TIMM23: variants seen among roughly 807,000 people sequenced by gnomAD.
The protein encoded by TIMM23 is translocase of inner mitochondrial membrane 23.
TIMM23 carries 19 observed loss-of-function variants against 30.7 expected under a neutral mutation model. That is an observed-to-expected ratio of 0.62 (90% CI 0.43 to 0.91). The LOEUF is 0.91. TIMM23 is among the 40% of genes least tolerant of loss of function. The pLI, the probability that TIMM23 is intolerant of heterozygous loss-of-function variation, is 0.00. For missense variants in TIMM23, 202 were observed against 269.2 expected, an observed-to-expected ratio of 0.75 and a Z score of 1.75; for synonymous variants, 78 against 98.5, an observed-to-expected ratio of 0.79 and a Z score of 1.23.
In TIMM23 at chr10:45,982,515, C is replaced by A; in HGVS notation, c.166-8C>A. 1 of 1,613,742 alleles carries A rather than the reference C, an allele frequency of 6.2e-7. No individual in the cohort carries two copies. ...CACTCAGCTTGGTTTTCATTATTAT[C>A]CTTTTAGGATACAGATGAGTTTATT... On this transcript the variant is annotated splice_polypyrimidine_tract_variant and splice_region_variant and intron_variant, in intron 2 of 6. Coordinates refer to ENST00000580018, the MANE Select transcript of TIMM23 (RefSeq NM_006327.4).
chr10:45,988,165 A>G (rs1454281845), intron 5 of TIMM23, among the ~76,000 whole-genome samples: 5 of 152,200 alleles, frequency 3.3e-5, no homozygotes, highest in Admixed American at 2.6e-4. Context: ...TGACTGAAGC[A>G]TGGACAACCT....
At chr10:45,999,218 G>T (rs1196101221) in intron 6 of TIMM23, among the ~76,000 whole-genome samples, 3 of 152,042 alleles carry the variant, frequency 2.0e-5, no homozygotes, top group Non-Finnish European at 2.9e-5. Context: ...TTGGCTCACT[G>T]CAACCTCCAC....
At chr10:45,996,562 C>T (rs1437182207) in intron 6 of TIMM23, among the ~76,000 whole-genome samples, 1 of 151,870 alleles carries the variant, frequency 6.6e-6, no homozygotes, top group Non-Finnish European at 1.5e-5. Context: ...ATGTTCTTTC[C>T]TTTTCTTAGA....
chr10:46,001,842 G>A (rs1305557346), intron 6 of TIMM23, among the ~76,000 whole-genome samples: 2 of 152,138 alleles, frequency 1.3e-5, no homozygotes, highest in East Asian at 3.9e-4. Flanking sequence ...ACGTTTGTAA[G>A]ACTAACATTT....
intron 6 of TIMM23, among the ~76,000 whole-genome samples, chr10:46,000,245 A>G (rs1838486073): frequency 6.6e-6 from 1 of 152,232 alleles, no homozygotes; most frequent in Admixed American, 6.5e-5. Context: ...TGTCCATGAA[A>G]TCTTCACAAT....
intron 1 of TIMM23, among the ~76,000 whole-genome samples, chr10:45,973,810 A>ATTT (rs35822209): frequency 7.0e-6 from 1 of 143,680 alleles, no homozygotes; most frequent in South Asian, 2.2e-4. Context: ...CGCCTGGCTA[A>ATTT]TTTTTTTTTT....
At chr10:45,996,204 AC>A (rs1838325981) in intron 6 of TIMM23, among the ~76,000 whole-genome samples, 1 of 143,612 alleles carries the variant, frequency 7.0e-6, no homozygotes, top group African/African-American at 2.8e-5. Context: ...TACTGAAAAT[AC>A]AAAAACATTA....
At chr10:45,979,933 G>C (rs1837795263) in intron 2 of TIMM23, among the ~76,000 whole-genome samples, 2 of 152,066 alleles carry the variant, frequency 1.3e-5, no homozygotes, top group African/African-American at 2.4e-5. Context: ...TCTAGATCTA[G>C]TTAAAATTCA....
intron 6 of TIMM23, among the ~76,000 whole-genome samples, chr10:45,998,686 T>C (rs1838420217): frequency 6.6e-6 from 1 of 152,198 alleles, no homozygotes; most frequent in Non-Finnish European, 1.5e-5. Context: ...CAATGTTTAG[T>C]GTCTTGTTGG....
intron 2 of TIMM23, among the ~76,000 whole-genome samples, chr10:45,977,419 T>C (rs1554913294): frequency 6.6e-6 from 1 of 152,234 alleles, no homozygotes; most frequent in Non-Finnish European, 1.5e-5. Context: ...TTACAATATA[T>C]GCAGTCACTT....
intron 6 of TIMM23, among the ~76,000 whole-genome samples, chr10:45,996,743 T>G (rs1838345106): frequency 6.6e-6 from 1 of 152,072 alleles, no homozygotes; most frequent in African/African-American, 2.4e-5. Flanking sequence ...CCCAGCACTT[T>G]GGGAAGCCAA....
rs1410363205 is a variant in TIMM23, at chr10:45,982,550, G to A, written c.193G>A (p.Gly65Arg). The A allele has an allele frequency of 2.9e-5, 47 of 1,613,740 alleles. No homozygotes were observed. The highest frequency in any genetic ancestry group is 3.9e-5 in the Non-Finnish European group (46 of 1,179,858). ...TACAGATGAGTTTATTTTACCTACC[G>A]GAGCTAATAAAACCCGGGGCAGATT... is the stretch of plus-strand genomic sequence containing the variant. ...QDTDEFILPT[G>R]ANKTRGRFEL... The change falls in exon 3 of 7, where the codon GGA (glycine) becomes AGA (arginine). Residue 65 changes from glycine to arginine, a missense_variant. Physicochemically the swap from Gly to Arg is moderately radical, Grantham distance 125 (BLOSUM62 -2). Transcript: ENST00000580018.
intron 6 of TIMM23, among the ~76,000 whole-genome samples, chr10:45,990,512 C>T (rs1211389184): frequency 3.2e-4 from 48 of 151,442 alleles, no homozygotes; most frequent in African/African-American, 1.1e-3. Context: ...GCCTTGACCT[C>T]CTGGGCTCAG....
rs1181958137 is a variant in TIMM23 at position 45,978,042 on chromosome 10, T to TA, written c.165+2537dup. On this transcript the variant is annotated intron_variant, in intron 2 of 6. Coordinates refer to ENST00000580018, the MANE Select transcript of TIMM23 (RefSeq NM_006327.4). The stretch of plus-strand genomic sequence containing the variant: ...GTAAGACTCGGTCTCAAAAAAAAAA[T>TA]AAAAAAATAAATAAAGAATGGAAAA... 1.0e-3 allele frequency among the ~76,000 whole-genome samples: 154 copies of TA among 150,962 alleles called. 1 individual carries two copies. Among genetic ancestry groups the TA allele is most frequent in the African/African-American group, 3.4e-3 (141 of 41,060 alleles).
Position 46,002,149 on chromosome 10 carries a change from C to T in TIMM23, c.515-1054C>T, listed in dbSNP as rs373648755. On this transcript the variant is annotated intron_variant, in intron 6 of 6. Coordinates refer to ENST00000580018, the MANE Select transcript of TIMM23 (RefSeq NM_006327.4). The stretch of plus-strand genomic sequence containing the variant: ...AGTGCATGAAGTGGGGGGTGGTCAC[C>T]AGCATCTAACTCAAAGTGTGATTAT... Among the ~76,000 whole-genome samples, 47 of 152,104 alleles carry T rather than the reference C, an allele frequency of 3.1e-4. No individual in the cohort carries two copies. In the East Asian group the frequency reaches 8.1e-3, roughly 26 times the overall value.
chr10:45,972,673 G>A lies in TIMM23; in HGVS notation c.49G>A (p.Gly17Ser). 6.2e-7 allele frequency: 1 copy of A among 1,614,034 alleles called. No homozygotes were observed. The highest frequency in any genetic ancestry group is 8.5e-7 in the Non-Finnish European group (1 of 1,179,876). Residue 17 changes from glycine to serine, a missense_variant, in exon 1 of 7, where the codon GGC becomes AGC. Physicochemically the swap from Gly to Ser is moderately conservative, Grantham distance 56. Coordinates refer to ENST00000580018, the MANE Select transcript of TIMM23 (RefSeq NM_006327.4). The stretch of plus-strand genomic sequence containing the variant: ...CAACAAAACCACAGGGGGATTGGCC[G>A]GCTTTTTCGGAGCCGGCGGAGCAGG... ...SGNKTTGGLA[G>S]FFGAGGAGYS...
chr10:45,993,376 C>T (rs1554916180), intron 6 of TIMM23, among the ~76,000 whole-genome samples: 1 of 151,718 alleles, frequency 6.6e-6, no homozygotes, highest in African/African-American at 2.4e-5. Flanking sequence ...CCTCATCCTC[C>T]CGAGTAGCTG....
intron 2 of TIMM23, among the ~76,000 whole-genome samples, chr10:45,976,014 C>A (rs1186403238): frequency 3.3e-5 from 5 of 152,128 alleles, no homozygotes; most frequent in Non-Finnish European, 7.3e-5. Context: ...GTTGGCCAGG[C>A]TCCCAAAGTG....
Position 46,003,469 on chromosome 10 carries a change from C to A in TIMM23, c.*151C>A. The A allele has an allele frequency of 1.7e-6, 1 of 586,672 alleles. No homozygotes were observed. The highest frequency in any genetic ancestry group is 2.1e-5 in the South Asian group (1 of 47,482). The allele number at this position is 586,672 out of a possible 1,614,324, so 36.3% of individuals were successfully genotyped here. The stretch of plus-strand genomic sequence containing the variant: ...TGTGATGAAAATCCTGGATGGCTGA[C>A]CAAGACTGGCACTTGTTCCAGCCAT... On this transcript the variant is annotated 3_prime_UTR_variant, in exon 7 of 7. Transcript: ENST00000580018.
Sources: gnomAD v4.1 joint callset for allele counts (sites outside exome capture counted in the v4.1 genomes callset) on GRCh38, gnomAD v4.1.1 for gene constraint, MANE v1.5 for transcripts, NCBI Gene and HGNC (gene_info 2026-07-23, HGNC 2026-07-21) for gene names.